Variants in HYDIN observed in about 807,000 individuals in gnomAD.
The protein encoded by HYDIN is axonemal central pair apparatus protein HYDIN.
A neutral mutation model predicts 403.9 loss-of-function variants in HYDIN; 132 were observed. The observed-to-expected ratio is 0.33, with a 90% CI of 0.28 to 0.38. The LOEUF is 0.38. Among genes scored for constraint, HYDIN ranks in the 10% least tolerant of loss-of-function variants. The probability of loss-of-function intolerance (pLI) is 1.00; values close to 1 mark genes in which losing one functional copy is unlikely to be tolerated. For missense variants in HYDIN, 2,827 were observed against 5,009.5 expected (o/e 0.56, Z 13.15); for synonymous variants, 1,202 against 1,891.7 (o/e 0.64, Z 9.46).
At chr16:70,925,243 G>A (rs1394451777) in intron 45 of HYDIN, among the ~76,000 whole-genome samples, 2 of 152,218 alleles carry the variant, frequency 1.3e-5, no homozygotes, top group East Asian at 3.9e-4. Context: ...TCAGCAGTTT[G>A]GGAGGCTGAG....
intron 62 of HYDIN, among the ~76,000 whole-genome samples, chr16:70,877,157 C>G (rs2040495263): frequency 6.8e-6 from 1 of 146,318 alleles, no homozygotes; most frequent in Non-Finnish European, 1.5e-5. Flanking sequence ...TAGAATGAAG[C>G]CCAGAGGAAA....
chr16:71,212,815 C>T (rs966740263), intron 1 of HYDIN, among the ~76,000 whole-genome samples: 7 of 151,860 alleles, frequency 4.6e-5, no homozygotes, highest in African/African-American at 1.5e-4. Flanking sequence ...GTGTTGAGAA[C>T]AACCAAAATG....
chr16:70,863,441 T>C lies in HYDIN; in HGVS notation c.11472-259A>G, dbSNP rs181892364. 1.7e-3 allele frequency among the ~76,000 whole-genome samples: 259 copies of C among 152,342 alleles called. 1 individual carries two copies. The highest frequency in any genetic ancestry group is 5.9e-3 in the African/African-American group (246 of 41,578). ...AGTCTTTTGCATTCTTCCAACACCC[T>C]GTGCAGCGAGCTCTCAGCATGCATG... On this transcript the variant is annotated intron_variant, in intron 67 of 85. Coordinates refer to ENST00000393567, the MANE Select transcript of HYDIN (RefSeq NM_001270974.2).
In HYDIN at chr16:70,905,673, G is replaced by A. The variant is rs558523660; in HGVS notation, c.8517-1609C>T. 4.8e-3 allele frequency among the ~76,000 whole-genome samples: 723 copies of A among 149,564 alleles called. 2 individuals carry two copies. The highest frequency in any genetic ancestry group is 0.016 in the African/African-American group (639 of 40,334). On this transcript the variant is annotated intron_variant, in intron 50 of 85. Coordinates refer to ENST00000393567, the MANE Select transcript of HYDIN (RefSeq NM_001270974.2). ...AAAAAAGACAAGAAAAGAAAAGAATGAGTGAATAATACACAGTTGTACTGG... is the reference window on the plus strand; with the variant it reads ...AAAAAAGACAAGAAAAGAAAAGAATAAGTGAATAATACACAGTTGTACTGG...
At chr16:70,834,989 T>TACACAC (rs1567678041) in intron 78 of HYDIN, among the ~76,000 whole-genome samples, 1 of 144,392 alleles carries the variant, frequency 6.9e-6, no homozygotes, top group East Asian at 2.0e-4. Context: ...TATATATATA[T>TACACAC]ATACACACAT....
chr16:70,860,240 T>C, intron 70 of HYDIN, 34 bp from the exon 71 acceptor site: 2 of 1,602,894 alleles, frequency 1.2e-6, no homozygotes, highest in Non-Finnish European at 1.7e-6. Context: ...CAGAAGAGAG[T>C]GGGACAGGGG....
Position 70,850,573 on chromosome 16 carries a change from G to T in HYDIN, c.12526C>A (p.His4176Asn), listed in dbSNP as rs1258046482. The T allele has an allele frequency of 1.2e-6, 2 of 1,613,726 alleles. No individual in the cohort carries two copies. Among genetic ancestry groups the T allele is most frequent in the Non-Finnish European group, 8.5e-7 (1 of 1,179,912 alleles). The change falls in exon 74 of 86, where the codon CAC (histidine) becomes AAC (asparagine). Residue 4176 changes from histidine to asparagine, a missense_variant. His to Asn is a moderately conservative substitution (Grantham distance 68). Transcript: ENST00000393567. The stretch of plus-strand genomic sequence containing the variant: ...GCCTTGACATTTAATGTCACAGGGT[G>T]GACTTTCTTTTCCACATTGCAGATC... The part of the protein sequence containing the change: ...NLICNVEKKV[H>N]PVTLNVKAEG...
intron 18 of HYDIN, among the ~76,000 whole-genome samples, chr16:71,051,651 A>AAAAC (rs1419103817): frequency 3.3e-5 from 5 of 151,548 alleles, no homozygotes; most frequent in Admixed American, 6.6e-5. Context: ...GTCTCAAAAA[A>AAAAC]AAAAAAAACA....
At chr16:71,131,888 A>G (rs997289546) in intron 8 of HYDIN, 5 of 152,076 alleles carry the variant, frequency 3.3e-5, no homozygotes, top group African/African-American at 1.2e-4. Flanking sequence ...AGGGAATAAT[A>G]AGCAGCCAGT....
chr16:70,888,490 A>G (rs1337005279), intron 58 of HYDIN, among the ~76,000 whole-genome samples: 3 of 152,014 alleles, frequency 2.0e-5, no homozygotes, highest in Non-Finnish European at 4.4e-5. Flanking sequence ...CTAGTCCTCA[A>G]CTGATACGTG....
rs768853790 is a variant in HYDIN, at chr16:71,115,794, T to G, written c.1229A>C (p.Glu410Ala). The change falls in exon 10 of 86, where the codon GAA (glutamate) becomes GCA (alanine). Residue 410 changes from glutamate (E) to alanine (A), a missense_variant and splice_region_variant. Physicochemically the swap from Glu to Ala is moderately radical, Grantham distance 107 (BLOSUM62 -1). Transcript: ENST00000393567. Reference protein sequence around the residue: ...FNNVFTVEPLEGDVWPNSSAE... With the variant: ...FNNVFTVEPLAGDVWPNSSAE... ...TGATGAGTTGGGCCAGACATCACCT[T>G]CCTGAAAAACATGAAAGAATCATTA... The G allele has an allele frequency of 1.4e-5, 11 of 778,682 alleles. No individual in the cohort carries two copies. In the Admixed American group the frequency reaches 2.3e-4, roughly 16 times the overall value. The allele number at this position is 778,682 out of a possible 1,614,324, so 48.2% of individuals were successfully genotyped here. A position where few individuals can be genotyped will look rare whatever the true frequency, so the allele number is the denominator to read the frequency against.
At chr16:71,040,747 A>T (rs952025203) in intron 18 of HYDIN, among the ~76,000 whole-genome samples, 1 of 117,464 alleles carries the variant, frequency 8.5e-6, no homozygotes, top group Admixed American at 8.4e-5. Context: ...TCTTCATAAG[A>T]CTTAGGGCCC....
At chr16:70,960,775 T>G (rs2143950102) in intron 38 of HYDIN, among the ~76,000 whole-genome samples, 1 of 152,334 alleles carries the variant, frequency 6.6e-6, no homozygotes, top group East Asian at 1.9e-4. Flanking sequence ...CACTGCAACC[T>G]CCGCCTCCCG....
At chr16:71,196,983 C>T (rs1035792574) in intron 1 of HYDIN, among the ~76,000 whole-genome samples, 1 of 152,112 alleles carries the variant, frequency 6.6e-6, no homozygotes, top group African/African-American at 2.4e-5. Context: ...ATGGGGTAGC[C>T]ATTCTTTATC....
intron 9 of HYDIN, among the ~76,000 whole-genome samples, chr16:71,124,488 G>C (rs921346943): frequency 9.9e-5 from 15 of 151,416 alleles, no homozygotes; most frequent in African/African-American, 3.4e-4. Flanking sequence ...CTCTGAAACA[G>C]GAACAATGCT....
chr16:71,074,411 G>A (rs113358618), intron 13 of HYDIN, among the ~76,000 whole-genome samples: 6 of 151,090 alleles, frequency 4.0e-5, no homozygotes, highest in Admixed American at 6.6e-5. Flanking sequence ...GGCCAGGCAC[G>A]GTGGCTCACA....
At chr16:71,177,663 C>CT (rs1181904158) in intron 4 of HYDIN, among the ~76,000 whole-genome samples, 3 of 152,134 alleles carry the variant, frequency 2.0e-5, no homozygotes, top group Non-Finnish European at 4.4e-5. Context: ...TCTATTTTGT[C>CT]TTATAGCTAG....
chr16:71,050,459 CAAG>C (rs986434582), intron 18 of HYDIN, among the ~76,000 whole-genome samples: 11 of 150,660 alleles, frequency 7.3e-5, no homozygotes, highest in Non-Finnish European at 1.5e-4. Context: ...AGAAATAAAA[CAAG>C]AAAAAAATCA....
Position 70,804,115 on chromosome 16 carries a change from A to C in HYDIN, c.*3465T>G, listed in dbSNP as rs1308507079. ...ATTTTGTTATTGTTTGAGGCTAAGG[A>C]AGCACGAGAAAAACCTAAAGGGAAG... On this transcript the variant is annotated 3_prime_UTR_variant, in exon 86 of 86. Coordinates refer to ENST00000393567, the MANE Select transcript of HYDIN (RefSeq NM_001270974.2). 6.6e-6 allele frequency among the ~76,000 whole-genome samples: 1 copy of C among 152,238 alleles called. No homozygotes were observed. Among genetic ancestry groups the C allele is most frequent in the Non-Finnish European group, 1.5e-5 (1 of 68,040 alleles).
Sources: gnomAD v4.1 joint callset for allele counts (sites outside exome capture counted in the v4.1 genomes callset) on GRCh38, gnomAD v4.1.1 for gene constraint, MANE v1.5 for transcripts, NCBI Gene and HGNC (gene_info 2026-07-23, HGNC 2026-07-21) for gene names.